The following NLN variants were observed in gnomAD, a reference collection of about 807,000 sequenced individuals.
The protein encoded by NLN is neurolysin, also known as neurolysin, mitochondrial.
A neutral mutation model predicts 79.9 loss-of-function variants in NLN; 64 were observed. That is an observed-to-expected ratio of 0.80 (90% CI 0.65 to 0.99). The LOEUF is 0.99. NLN is among the 50% of genes least tolerant of loss of function. NLN has a pLI of 0.00. For missense variants in NLN, 835 were observed against 858.7 expected, an observed-to-expected ratio of 0.97 and a Z score of 0.34; for synonymous variants, 267 against 296.6, an observed-to-expected ratio of 0.90 and a Z score of 1.02.
At position 65,823,040 on chromosome 5, in the gene NLN, T is replaced by C. The variant is rs1004806257; in HGVS notation, c.*125T>C. 5.8e-6 allele frequency: 4 copies of C among 694,406 alleles called. 1 individual carries two copies. The highest frequency in any genetic ancestry group is 7.3e-6 in the Non-Finnish European group (3 of 412,946). The allele number at this position is 694,406 out of a possible 1,614,324, so 43.0% of individuals were successfully genotyped here. On this transcript the variant is annotated 3_prime_UTR_variant, in exon 13 of 13. Coordinates refer to ENST00000380985, the MANE Select transcript of NLN (RefSeq NM_020726.5). ...AGATTTCTATTGACATCCTTTTGTT[T>C]TCTAATTTTAAAAATTATAAAGATG... is the stretch of plus-strand genomic sequence containing the variant.
chr5:65,729,736 G>T (rs1190570670), intron 1 of NLN, among the ~76,000 whole-genome samples: 1 of 152,134 alleles, frequency 6.6e-6, no homozygotes, highest in Non-Finnish European at 1.5e-5. Flanking sequence ...AAGCAACCTG[G>T]TTCTTTCTCA....
At position 65,824,352 on chromosome 5, in the gene NLN, A is replaced by G. The variant is rs1397285643; in HGVS notation, c.*1437A>G. 1 of 152,190 alleles carries G rather than the reference A, an allele frequency of 6.6e-6. No individual in the cohort carries two copies. Among genetic ancestry groups the G allele is most frequent in the Non-Finnish European group, 1.5e-5 (1 of 68,040 alleles). The allele number at this position is 152,190 out of a possible 1,614,324, so 9.4% of individuals were successfully genotyped here. A position where few individuals can be genotyped will look rare whatever the true frequency, so the allele number is the denominator to read the frequency against. On this transcript the variant is annotated 3_prime_UTR_variant, in exon 13 of 13. Transcript: ENST00000380985. ...GCAAGAGCTAGGAGATTCCTAGATT[A>G]TATCTGCCAAGCAAATACCTTAAAC...
chr5:65,811,665 A>C (rs1012183320), intron 11 of NLN, among the ~76,000 whole-genome samples: 1 of 152,054 alleles, frequency 6.6e-6, no homozygotes, highest in Non-Finnish European at 1.5e-5. Context: ...CTACTAAAAA[A>C]TATGAAAATT....
chr5:65,749,437 G>A (rs1039082510), intron 1 of NLN, among the ~76,000 whole-genome samples: 1 of 152,200 alleles, frequency 6.6e-6, no homozygotes, highest in African/African-American at 2.4e-5. Flanking sequence ...GAGAATGTCA[G>A]TGCACTTCAT....
Position 65,828,652 on chromosome 5 carries a change from T to A in NLN, c.*5737T>A, listed in dbSNP as rs1040475125. 6.6e-6 allele frequency: 1 copy of A among 152,200 alleles called. No homozygotes were observed. The highest frequency in any genetic ancestry group is 1.5e-5 in the Non-Finnish European group (1 of 68,030). The allele number at this position is 152,200 out of a possible 1,614,324, so 9.4% of individuals were successfully genotyped here. Reference sequence around the variant, plus strand: ...AGCTGTTTCTAATACTTTTTGTTGGTTAAAAATACATTCCGCTGCTGTGGA... The same window carrying A: ...AGCTGTTTCTAATACTTTTTGTTGGATAAAAATACATTCCGCTGCTGTGGA... On this transcript the variant is annotated 3_prime_UTR_variant, in exon 13 of 13. Transcript: ENST00000380985.
chr5:65,740,933 G>A (rs1329975070), intron 1 of NLN: 1 of 164,172 alleles, frequency 6.1e-6, no homozygotes, highest in Middle Eastern at 2.0e-3. Flanking sequence ...GTGTGCAGTG[G>A]CGTGATCTTG....
intron 1 of NLN, 88 bp downstream of exon 1, chr5:65,722,502 C>T: frequency 8.2e-7 from 1 of 1,214,272 alleles, no homozygotes; most frequent in South Asian, 1.3e-5. Context: ...CACCCCTTCC[C>T]GACCGCGCCT....
At chr5:65,779,293 C>T (rs1299784352) in intron 4 of NLN, among the ~76,000 whole-genome samples, 1 of 152,062 alleles carries the variant, frequency 6.6e-6, no homozygotes. Flanking sequence ...CAGGGCCACA[C>T]TTTGAGAAGC....
At position 65,812,307 on chromosome 5, in the gene NLN, A is replaced by C. The variant is rs1050416394; in HGVS notation, c.1896A>C (p.Gln632His). 1 of 1,605,894 alleles carries C rather than the reference A, an allele frequency of 6.2e-7. No individual in the cohort carries two copies. The highest frequency in any genetic ancestry group is 1.3e-5 in the African/African-American group (1 of 74,718). The change falls in exon 12 of 13, where the codon CAA becomes CAC. Residue 632 changes from glutamine (Q) to histidine (H), a missense_variant. By Grantham distance (24) the Gln-to-His change is conservative. Transcript: ENST00000380985. ...ATTTGGCAGGGGGATACGATGGCCA[A>C]TATTATGGATATCTTTGGAGTGAAG... Reference protein sequence around the residue: ...FGHLAGGYDGQYYGYLWSEVF... With the variant: ...FGHLAGGYDGHYYGYLWSEVF...
chr5:65,739,707 G>T (rs1027799526), intron 1 of NLN, among the ~76,000 whole-genome samples: 3 of 152,104 alleles, frequency 2.0e-5, no homozygotes, highest in African/African-American at 7.2e-5. Flanking sequence ...ATTTTAACAG[G>T]TGTGAGATGA....
chr5:65,753,372 G>A (rs1385075578), intron 1 of NLN, among the ~76,000 whole-genome samples: 1 of 152,080 alleles, frequency 6.6e-6, no homozygotes, highest in Non-Finnish European at 1.5e-5. Flanking sequence ...TAATAGGCTG[G>A]GCACGGTGGC....
At chr5:65,794,318 A>G (rs970013148) in intron 9 of NLN, among the ~76,000 whole-genome samples, 1 of 152,166 alleles carries the variant, frequency 6.6e-6, no homozygotes, top group Admixed American at 6.5e-5. Context: ...GGTGTAAAAA[A>G]TGCTTCGCAA....
At chr5:65,812,000 G>A (rs1760558130) in intron 11 of NLN, among the ~76,000 whole-genome samples, 1 of 152,152 alleles carries the variant, frequency 6.6e-6, no homozygotes, top group African/African-American at 2.4e-5. Context: ...TGGTGGGTGT[G>A]GACAAAGCCG....
At chr5:65,742,259 TC>T (rs1246530662) in intron 1 of NLN, among the ~76,000 whole-genome samples, 13 of 142,126 alleles carry the variant, frequency 9.1e-5, no homozygotes, top group African/African-American at 3.4e-4. Context: ...TTGAAAATAA[TC>T]ATTGTTCTTA....
intron 1 of NLN, among the ~76,000 whole-genome samples, chr5:65,725,981 G>A (rs977658059): frequency 2.0e-5 from 3 of 152,194 alleles, no homozygotes; most frequent in Non-Finnish European, 4.4e-5. Context: ...GCGTGGTGGC[G>A]GGCGCCTGTA....
chr5:65,744,465 C>G (rs1038168779), intron 1 of NLN, among the ~76,000 whole-genome samples: 2 of 146,590 alleles, frequency 1.4e-5, no homozygotes, highest in Non-Finnish European at 3.0e-5. Context: ...ATAAGCTTCT[C>G]TCTCCCCTTT....
chr5:65,763,946 CT>C (rs1217687832), intron 3 of NLN, among the ~76,000 whole-genome samples: 2 of 152,034 alleles, frequency 1.3e-5, no homozygotes, highest in Non-Finnish European at 2.9e-5. Context: ...CACATTTGGT[CT>C]ATAAACTTCA....
chr5:65,822,126 C>T (rs1311047418), intron 12 of NLN, among the ~76,000 whole-genome samples: 1 of 152,204 alleles, frequency 6.6e-6, no homozygotes, highest in African/African-American at 2.4e-5. Context: ...TTTTCTTTCA[C>T]TCTATCTGCA....
At chr5:65,796,942 A>G (rs967511401) in intron 9 of NLN, among the ~76,000 whole-genome samples, 1 of 152,208 alleles carries the variant, frequency 6.6e-6, no homozygotes, top group Non-Finnish European at 1.5e-5. Context: ...GGCTCGTTTG[A>G]GCTTGTCATC....
Sources: gnomAD v4.1 joint callset for allele counts (sites outside exome capture counted in the v4.1 genomes callset) on GRCh38, gnomAD v4.1.1 for gene constraint, MANE v1.5 for transcripts, NCBI Gene and HGNC (gene_info 2026-07-23, HGNC 2026-07-21) for gene names.